PACC1: variants seen among roughly 807,000 people sequenced by gnomAD.
PACC1 encodes the protein proton-activated chloride channel.
Under a neutral mutation model 39.7 loss-of-function variants are expected in PACC1, and 34 were observed. The observed-to-expected ratio is 0.86, with a 90% CI of 0.65 to 1.14. The LOEUF is 1.14. PACC1 is among the 50% of genes most tolerant of loss of function. PACC1 has a pLI of 0.00. For missense variants in PACC1, 379 were observed against 436.4 expected (o/e 0.87, Z 1.17); for synonymous variants, 127 against 160.6 (o/e 0.79, Z 1.58).
At chr1:212,381,986 T>G (rs1456363045) in intron 4 of PACC1, among the ~76,000 whole-genome samples, 3 of 152,134 alleles carry the variant, frequency 2.0e-5, no homozygotes, top group Non-Finnish European at 4.4e-5. Flanking sequence ...TTTTATTTGG[T>G]AGCTTAGCCT....
At chr1:212,403,266 G>C (rs1473000339) in intron 2 of PACC1, among the ~76,000 whole-genome samples, 1 of 152,188 alleles carries the variant, frequency 6.6e-6, no homozygotes, top group African/African-American at 2.4e-5. Context: ...CTGCACGTTT[G>C]GGTGCTTAAC....
intron 2 of PACC1, among the ~76,000 whole-genome samples, chr1:212,397,135 A>G (rs770868089): frequency 6.6e-6 from 1 of 152,200 alleles, no homozygotes; most frequent in Non-Finnish European, 1.5e-5. Context: ...AGATGTAAAG[A>G]GCACTGAAAA....
At chr1:212,375,833 C>T (rs1254388086) in intron 6 of PACC1, among the ~76,000 whole-genome samples, 2 of 151,760 alleles carry the variant, frequency 1.3e-5, no homozygotes, top group Non-Finnish European at 2.9e-5. Context: ...TGCAGTGAGC[C>T]GAAATAGTGC....
chr1:212,393,814 C>T (rs1459878740), intron 2 of PACC1, among the ~76,000 whole-genome samples: 54 of 151,960 alleles, frequency 3.6e-4, no homozygotes, highest in African/African-American at 4.8e-4. Context: ...AACACCTCTA[C>T]GCAAATAAAC....
chr1:212,375,064 C>T (rs1660596960), intron 7 of PACC1, 129 bp downstream of exon 7: 1 of 630,072 alleles, frequency 1.6e-6, no homozygotes, highest in Non-Finnish European at 2.8e-6. Flanking sequence ...GGTAGGTAGA[C>T]TTATCAGTCT....
intron 2 of PACC1, among the ~76,000 whole-genome samples, chr1:212,401,591 A>C (rs1408066885): frequency 7.5e-6 from 1 of 133,058 alleles, no homozygotes; most frequent in Non-Finnish European, 1.5e-5. Flanking sequence ...GCGCCACTGC[A>C]CTCCAGCCTG....
chr1:212,379,683 G>A (rs1005984343), intron 5 of PACC1, among the ~76,000 whole-genome samples: 8 of 152,192 alleles, frequency 5.3e-5, no homozygotes, highest in African/African-American at 1.9e-4. Flanking sequence ...TGGAGAGCCA[G>A]CATGCTCCTC....
At chr1:212,407,536 T>C (rs1661961123) in intron 2 of PACC1, among the ~76,000 whole-genome samples, 3 of 152,314 alleles carry the variant, frequency 2.0e-5, no homozygotes, top group Non-Finnish European at 4.4e-5. Flanking sequence ...CCGGGAGCCT[T>C]AGGGCTTTAG....
In PACC1 at chr1:212,378,457, T is replaced by A. The variant is rs1267391178; in HGVS notation, c.639-751A>T. Among the ~76,000 whole-genome samples, 50 of 152,106 alleles carry A rather than the reference T, an allele frequency of 3.3e-4. 1 individual carries two copies. On this transcript the variant is annotated intron_variant, in intron 5 of 7. Coordinates refer to ENST00000261455, the MANE Select transcript of PACC1 (RefSeq NM_018252.3). ...GTGGAAGAACAAAGCAGTGGTGGTG[T>A]GGAATGGAGGCAGCTCGCTGCATGT...
chr1:212,385,213 C>A, intron 4 of PACC1, 61 bp downstream of exon 4: 2 of 1,599,876 alleles, frequency 1.3e-6, no homozygotes, highest in South Asian at 1.1e-5. Flanking sequence ...AAACTTGGGG[C>A]CTTGGGTTGC....
At chr1:212,391,368 G>A (rs540863862) in intron 2 of PACC1, among the ~76,000 whole-genome samples, 26 of 152,222 alleles carry the variant, frequency 1.7e-4, no homozygotes, top group Non-Finnish European at 2.9e-4. Flanking sequence ...CAACAGACCT[G>A]CAGCTGAGAG....
At chr1:212,409,248 C>T (rs763577373) in intron 2 of PACC1, among the ~76,000 whole-genome samples, 1 of 152,124 alleles carries the variant, frequency 6.6e-6, no homozygotes, top group South Asian at 2.1e-4. Flanking sequence ...AACAAACGCA[C>T]CATTCCAACA....
chr1:212,389,883 T>C (rs948859976), intron 2 of PACC1, among the ~76,000 whole-genome samples: 1 of 151,982 alleles, frequency 6.6e-6, no homozygotes, highest in Non-Finnish European at 1.5e-5. Flanking sequence ...AAATGTTTCA[T>C]AAAATTTAAA....
intron 1 of PACC1, among the ~76,000 whole-genome samples, chr1:212,413,581 A>G (rs1194754322): frequency 1.3e-5 from 2 of 152,184 alleles, no homozygotes; most frequent in Non-Finnish European, 2.9e-5. Flanking sequence ...TGGAGTGAGC[A>G]CACGCACAGA....
At chr1:212,368,492 T>G (rs1427402354) in intron 7 of PACC1, among the ~76,000 whole-genome samples, 1 of 152,002 alleles carries the variant, frequency 6.6e-6, no homozygotes, top group Non-Finnish European at 1.5e-5. Flanking sequence ...ACACAAAGAC[T>G]CAATTCAGAA....
intron 2 of PACC1, among the ~76,000 whole-genome samples, chr1:212,406,246 G>C (rs1054791809): frequency 1.3e-5 from 2 of 151,732 alleles, no homozygotes; most frequent in South Asian, 4.1e-4. Context: ...GCCAAGCATG[G>C]TGGCTCACGC....
At chr1:212,402,372 G>A (rs1661749086) in intron 2 of PACC1, among the ~76,000 whole-genome samples, 1 of 152,174 alleles carries the variant, frequency 6.6e-6, no homozygotes, top group African/African-American at 2.4e-5. Context: ...GGTGTGAAGT[G>A]CTATCTCATC....
intron 5 of PACC1, among the ~76,000 whole-genome samples, chr1:212,378,423 A>G (rs2102482412): frequency 6.6e-6 from 1 of 152,334 alleles, no homozygotes; most frequent in South Asian, 2.1e-4. Flanking sequence ...AGAGGCTCCG[A>G]GCTCTGGGGT....
intron 2 of PACC1, among the ~76,000 whole-genome samples, chr1:212,399,445 A>C (rs1158382298): frequency 6.6e-6 from 1 of 152,218 alleles, no homozygotes; most frequent in Non-Finnish European, 1.5e-5. Flanking sequence ...CTTCGTAACA[A>C]GTAGAGAAGT....
Sources: gnomAD v4.1 joint callset for allele counts (sites outside exome capture counted in the v4.1 genomes callset) on GRCh38, gnomAD v4.1.1 for gene constraint, MANE v1.5 for transcripts, NCBI Gene and HGNC (gene_info 2026-07-23, HGNC 2026-07-21) for gene names.